The following METTL24 variants were observed in gnomAD, a reference collection of about 807,000 sequenced individuals.
METTL24 encodes the protein methyltransferase like 24, also known as probable methyltransferase-like protein 24.
A neutral mutation model predicts 32.7 loss-of-function variants in METTL24; 29 were observed. That is an observed-to-expected ratio of 0.89 (90% CI 0.66 to 1.21). The LOEUF (loss-of-function observed/expected upper bound fraction) is 1.21, where lower values mean the gene tolerates loss of function less well. METTL24 is among the 50% of genes most tolerant of loss of function. METTL24 has a pLI of 0.00. For synonymous variants in METTL24, 163 were observed against 179.5 expected (o/e 0.91, Z 0.73); for missense variants, 439 against 468.1 (o/e 0.94, Z 0.57).
In METTL24 at chr6:110,298,917, C is replaced by T. The variant is rs749414868; in HGVS notation, c.786+5G>A. ...TCAAGTATAAAATCAAATGAAAAAC[C>T]TCACCTTGTGATGTCCAAATTCATT... is the stretch of plus-strand genomic sequence containing the variant. On this transcript the variant is annotated splice_donor_5th_base_variant and intron_variant, in intron 4 of 4. Coordinates refer to ENST00000338882, the MANE Select transcript of METTL24 (RefSeq NM_001123364.3). The T allele has an allele frequency of 3.7e-6, 6 of 1,612,802 alleles. No homozygotes were observed. In the African/African-American group the frequency reaches 8.0e-5, roughly 22 times the overall value.
chr6:110,357,873 G>T, intron 1 of METTL24, 82 bp downstream of exon 1: 1 of 782,100 alleles, frequency 1.3e-6, no homozygotes, highest in Non-Finnish European at 1.6e-6. Flanking sequence ...GGCGGCCTGC[G>T]GGACCTGAGC....
chr6:110,323,933 A>T (rs1004302375), intron 1 of METTL24, among the ~76,000 whole-genome samples: 1 of 151,976 alleles, frequency 6.6e-6, no homozygotes, highest in African/African-American at 2.4e-5. Flanking sequence ...TCATTCACAT[A>T]TACACAGTGT....
At chr6:110,280,487 A>T (rs1771118875) in intron 4 of METTL24, among the ~76,000 whole-genome samples, 2 of 152,108 alleles carry the variant, frequency 1.3e-5, no homozygotes, top group Admixed American at 1.3e-4. Context: ...ATTACAAACA[A>T]TGTTGCAATA....
At chr6:110,350,759 C>G (rs1338881425) in intron 1 of METTL24, among the ~76,000 whole-genome samples, 3 of 66,950 alleles carry the variant, frequency 4.5e-5, no homozygotes, top group Non-Finnish European at 9.2e-5. Context: ...GACCCTGTCT[C>G]AACAAAATAA....
intron 4 of METTL24, among the ~76,000 whole-genome samples, chr6:110,250,307 A>G (rs1778254365): frequency 6.6e-6 from 1 of 151,784 alleles, no homozygotes. Flanking sequence ...AATCTTCAAC[A>G]TTCCTTGGCT....
chr6:110,304,497 C>T (rs1771593510), intron 3 of METTL24, among the ~76,000 whole-genome samples: 1 of 152,118 alleles, frequency 6.6e-6, no homozygotes, highest in East Asian at 1.9e-4. Context: ...AACTGAAAAA[C>T]ACAGCACGAG....
At chr6:110,310,191 T>C (rs1224503463) in intron 3 of METTL24, among the ~76,000 whole-genome samples, 1 of 152,226 alleles carries the variant, frequency 6.6e-6, no homozygotes, top group Non-Finnish European at 1.5e-5. Context: ...TATCTAACCA[T>C]GTATCACTTA....
At chr6:110,274,902 A>G (rs1198823662) in intron 4 of METTL24, among the ~76,000 whole-genome samples, 1 of 144,176 alleles carries the variant, frequency 6.9e-6, no homozygotes, top group Non-Finnish European at 1.5e-5. Context: ...AGGCTCAACC[A>G]TTCCTCCCAC....
rs9487323 is a variant in METTL24, at chr6:110,246,946, T to A, written c.787-686A>T. On this transcript the variant is annotated intron_variant, in intron 4 of 4. Transcript: ENST00000338882. ...TTACAATGTATATACCAGTATAGCA[T>A]TCTTAAAAAAAAAAAAAGCAGTAAC... 3.3e-3 allele frequency among the ~76,000 whole-genome samples: 488 copies of A among 148,464 alleles called. 3 individuals carry two copies. Among genetic ancestry groups the A allele is most frequent in the African/African-American group, 0.012 (464 of 39,588 alleles).
At chr6:110,320,417 G>T (rs2114752460) in intron 2 of METTL24, among the ~76,000 whole-genome samples, 1 of 152,180 alleles carries the variant, frequency 6.6e-6, no homozygotes. Context: ...AGGGAGCATT[G>T]GTTAGTAAAA....
chr6:110,339,957 T>C (rs1365536659), intron 1 of METTL24, among the ~76,000 whole-genome samples: 1 of 152,170 alleles, frequency 6.6e-6, no homozygotes, highest in African/African-American at 2.4e-5. Context: ...GTTGAAGAGA[T>C]GACCCATAAC....
chr6:110,357,316 A>C (rs1227532703), intron 1 of METTL24: 1 of 152,264 alleles, frequency 6.6e-6, no homozygotes. Context: ...GAGAGTTATA[A>C]GACAAACCCA....
chr6:110,320,630 T>C (rs1171135152), intron 2 of METTL24, among the ~76,000 whole-genome samples: 4 of 152,184 alleles, frequency 2.6e-5, no homozygotes, highest in African/African-American at 9.6e-5. Flanking sequence ...AAATTCTCTA[T>C]TATCGCTCAT....
At chr6:110,305,140 C>T (rs550474655) in intron 3 of METTL24, among the ~76,000 whole-genome samples, 22 of 152,272 alleles carry the variant, frequency 1.4e-4, no homozygotes, top group African/African-American at 4.8e-4. Flanking sequence ...GCCTGCCCTA[C>T]AAGAGCTCCT....
chr6:110,278,852 T>C (rs1043065762), intron 4 of METTL24, among the ~76,000 whole-genome samples: 2 of 152,098 alleles, frequency 1.3e-5, no homozygotes, highest in Admixed American at 6.6e-5. Flanking sequence ...TGAGACGTCA[T>C]CTCTACAAAA....
At chr6:110,274,026 T>A (rs1037589312) in intron 4 of METTL24, among the ~76,000 whole-genome samples, 1 of 152,232 alleles carries the variant, frequency 6.6e-6, no homozygotes, top group African/African-American at 2.4e-5. Context: ...CTATACACCA[T>A]GGAATACTAT....
In METTL24 at chr6:110,291,713, G is replaced by A. The variant is rs377229166; in HGVS notation, c.786+7209C>T. 2.6e-4 allele frequency among the ~76,000 whole-genome samples: 40 copies of A among 152,152 alleles called. No homozygotes were observed. In the East Asian group the frequency reaches 6.2e-3, roughly 23 times the overall value. ...TCCTCCCACCCTCCACCCTCTGATA[G>A]GCCCCACTGTCTGTCGTTCCCCTCT... On this transcript the variant is annotated intron_variant, in intron 4 of 4. Transcript: ENST00000338882.
chr6:110,311,440 ATTTTC>A (rs143344489), intron 3 of METTL24, among the ~76,000 whole-genome samples: 71 of 109,942 alleles, frequency 6.5e-4, no homozygotes, highest in Middle Eastern at 5.7e-3. Flanking sequence ...TACAAAGTTG[ATTTTC>A]TTTTCTTTTC....
intron 3 of METTL24, among the ~76,000 whole-genome samples, chr6:110,302,898 G>A (rs1334304114): frequency 6.6e-6 from 1 of 152,096 alleles, no homozygotes; most frequent in Admixed American, 6.6e-5. Flanking sequence ...AAGAGCTCTG[G>A]TCTACAGCTC....
Sources: allele counts gnomAD v4.1 joint callset (sites outside exome capture counted in the v4.1 genomes callset), GRCh38; gene constraint gnomAD v4.1.1; transcripts MANE v1.5; gene names NCBI Gene and HGNC (gene_info 2026-07-23, HGNC 2026-07-21).